KCNK2: variants seen among roughly 807,000 people sequenced by gnomAD.
KCNK2 encodes the protein potassium two pore domain channel subfamily K member 2, also known as potassium channel subfamily K member 2.
KCNK2 carries 21 observed loss-of-function variants against 40.5 expected under a neutral mutation model. That is an observed-to-expected ratio of 0.52 (90% confidence interval 0.37 to 0.75). The LOEUF is 0.75. KCNK2 is among the 30% of genes least tolerant of loss of function. KCNK2 has a pLI of 0.00. For synonymous variants in KCNK2, 191 were observed against 202.2 expected (o/e 0.94, Z 0.47); for missense variants, 399 against 531.6 (o/e 0.75, Z 2.45).
intron 5 of KCNK2, among the ~76,000 whole-genome samples, chr1:215,193,216 G>T (rs1316491282): frequency 6.6e-6 from 1 of 151,918 alleles, no homozygotes; most frequent in Non-Finnish European, 1.5e-5. Flanking sequence ...GTTATACTCA[G>T]TATTTTATAC....
At chr1:215,211,731 A>G (rs1665752712) in intron 6 of KCNK2, among the ~76,000 whole-genome samples, 1 of 152,196 alleles carries the variant, frequency 6.6e-6, no homozygotes, top group Non-Finnish European at 1.5e-5. Flanking sequence ...GAATTCAGAA[A>G]AAAATGGATA....
At chr1:215,059,505 A>C (rs201014135) in intron 1 of KCNK2, among the ~76,000 whole-genome samples, 1 of 152,180 alleles carries the variant, frequency 6.6e-6, no homozygotes, top group African/African-American at 2.4e-5. Flanking sequence ...ATAGAGAAAA[A>C]TATTAATAAG....
At chr1:215,100,009 G>A (rs963616889) in intron 2 of KCNK2, among the ~76,000 whole-genome samples, 1 of 152,012 alleles carries the variant, frequency 6.6e-6, no homozygotes, top group East Asian at 1.9e-4. Context: ...TTCTTTGGAC[G>A]TCATGTGGTT....
intron 6 of KCNK2, among the ~76,000 whole-genome samples, chr1:215,201,997 C>A (rs1665099223): frequency 6.6e-6 from 1 of 152,026 alleles, no homozygotes; most frequent in Non-Finnish European, 1.5e-5. Flanking sequence ...CTGTTTGGTA[C>A]AATTTTTCTG....
chr1:215,150,874 T>G (rs1333131644), intron 3 of KCNK2, among the ~76,000 whole-genome samples: 1 of 152,012 alleles, frequency 6.6e-6, no homozygotes, highest in Non-Finnish European at 1.5e-5. Context: ...TCATTATACC[T>G]GCTAGAACTT....
chr1:215,112,361 TA>T lies in KCNK2; in HGVS notation c.358-12264del, dbSNP rs199679617. ...TAAAAAGTTAAAAAAATTAAATAGTTAAAAAAAAGATTATGGAATAAAGATA... is the reference window on the plus strand; with the variant it reads ...TAAAAAGTTAAAAAAATTAAATAGTTAAAAAAAGATTATGGAATAAAGATA... On this transcript the variant is annotated intron_variant, in intron 2 of 6. Transcript: ENST00000444842. Among the ~76,000 whole-genome samples, 967 of 151,310 alleles carry T rather than the reference TA, an allele frequency of 6.4e-3. 8 individuals are homozygous for T. The highest frequency in any genetic ancestry group is 0.022 in the South Asian group (104 of 4,796).
chr1:215,006,760 T>C (rs1391566422), intron 1 of KCNK2, among the ~76,000 whole-genome samples: 2 of 151,922 alleles, frequency 1.3e-5, no homozygotes, highest in Non-Finnish European at 2.9e-5. Flanking sequence ...TTCCTGTTTG[T>C]ATAGTAATCA....
At chr1:215,200,820 A>T (rs1215223343) in intron 6 of KCNK2, among the ~76,000 whole-genome samples, 1 of 152,230 alleles carries the variant, frequency 6.6e-6, no homozygotes, top group Non-Finnish European at 1.5e-5. Flanking sequence ...CATAATTCTA[A>T]CTTTGGGTGG....
intron 1 of KCNK2, among the ~76,000 whole-genome samples, chr1:215,070,027 G>A (rs560471153): frequency 5.3e-5 from 8 of 152,270 alleles, no homozygotes; most frequent in African/African-American, 1.9e-4. Context: ...TGTGCACTAA[G>A]AAATCAAAGA....
At chr1:215,065,588 G>C (rs1265837451) in intron 1 of KCNK2, among the ~76,000 whole-genome samples, 1 of 152,112 alleles carries the variant, frequency 6.6e-6, no homozygotes, top group East Asian at 1.9e-4. Context: ...ATGAGAATTA[G>C]GTGCCCAGGA....
chr1:215,105,945 A>G (rs992336154), intron 2 of KCNK2, among the ~76,000 whole-genome samples: 13 of 152,110 alleles, frequency 8.5e-5, no homozygotes, highest in African/African-American at 3.1e-4. Context: ...ATGGCTGCAT[A>G]GTATTGCATG....
intron 6 of KCNK2, among the ~76,000 whole-genome samples, chr1:215,210,375 A>ATTT (rs1665688221): frequency 6.6e-6 from 1 of 151,894 alleles, no homozygotes; most frequent in African/African-American, 2.4e-5. Flanking sequence ...AGGGCAGGGT[A>ATTT]AGAATTGCTT....
At chr1:215,127,108 G>T (rs1661472047) in intron 3 of KCNK2, among the ~76,000 whole-genome samples, 1 of 152,106 alleles carries the variant, frequency 6.6e-6, no homozygotes. Context: ...TTTAGCAATA[G>T]CTGCATTGCA....
intron 2 of KCNK2, among the ~76,000 whole-genome samples, chr1:215,109,311 A>G (rs531145323): frequency 6.6e-6 from 1 of 152,006 alleles, no homozygotes; most frequent in South Asian, 2.1e-4. Flanking sequence ...GCCTACATAT[A>G]TGATTGTACC....
intron 2 of KCNK2, among the ~76,000 whole-genome samples, chr1:215,117,374 A>G (rs1660991870): frequency 6.6e-6 from 1 of 152,134 alleles, no homozygotes; most frequent in Non-Finnish European, 1.5e-5. Flanking sequence ...ATTCTAGGCA[A>G]TAAAGGGTTT....
chr1:215,101,993 G>A (rs761747773), intron 2 of KCNK2, among the ~76,000 whole-genome samples: 7 of 151,864 alleles, frequency 4.6e-5, no homozygotes, highest in Non-Finnish European at 8.8e-5. Flanking sequence ...AATTTTTTGA[G>A]TTTTTAAATT....
chr1:215,218,218 T>A (rs1538541), intron 6 of KCNK2, among the ~76,000 whole-genome samples: 145,292 of 152,262 alleles, frequency 0.95, 69,693 homozygotes, highest in East Asian at 1. Context: ...GATTAGATCC[T>A]ATCTATGAAC....
At chr1:215,058,202 A>C (rs1269252683) in intron 1 of KCNK2, among the ~76,000 whole-genome samples, 1 of 152,104 alleles carries the variant, frequency 6.6e-6, no homozygotes, top group Non-Finnish European at 1.5e-5. Context: ...TTCACTAGAT[A>C]AATACTTGCA....
chr1:215,051,241 CTTAATA>C (rs1410610062), intron 1 of KCNK2, among the ~76,000 whole-genome samples: 1 of 151,916 alleles, frequency 6.6e-6, no homozygotes, highest in African/African-American at 2.4e-5. Context: ...ATGCATGGAT[CTTAATA>C]TTAATAATTT....
Sources: allele counts gnomAD v4.1 joint callset (sites outside exome capture counted in the v4.1 genomes callset), GRCh38; gene constraint gnomAD v4.1.1; transcripts MANE v1.5; gene names NCBI Gene and HGNC (gene_info 2026-07-23, HGNC 2026-07-21).